PSMD14: variants seen among roughly 807,000 people sequenced by gnomAD.
PSMD14 encodes ubiquitin C-terminal hydrolase PSMD14.
Under a neutral mutation model 41.2 loss-of-function variants are expected in PSMD14, and 7 were observed. The ratio of observed to expected loss-of-function variants is 0.17; its 90% confidence interval spans 0.10 to 0.32. The LOEUF is 0.32. Among genes scored for constraint, PSMD14 ranks in the 10% least tolerant of loss-of-function variants. The pLI, the probability that PSMD14 is intolerant of heterozygous loss-of-function variation, is 1.00. For missense variants in PSMD14, 139 were observed against 375.6 expected (o/e 0.37, Z 5.21); for synonymous variants, 114 against 122.3 (o/e 0.93, Z 0.45).
intron 1 of PSMD14, among the ~76,000 whole-genome samples, chr2:161,310,375 C>T (rs917449894): frequency 1.3e-5 from 2 of 152,072 alleles, no homozygotes; most frequent in Non-Finnish European, 2.9e-5. Flanking sequence ...TTTTAATTTT[C>T]AATTTTGTAG....
chr2:161,364,958 G>C (rs1683339040), intron 3 of PSMD14, among the ~76,000 whole-genome samples: 1 of 152,040 alleles, frequency 6.6e-6, no homozygotes, highest in Non-Finnish European at 1.5e-5. Context: ...CAAAAAATCA[G>C]CCTGGCGTGG....
chr2:161,368,761 C>A (rs922404606), intron 5 of PSMD14, among the ~76,000 whole-genome samples: 1 of 151,908 alleles, frequency 6.6e-6, no homozygotes, highest in Non-Finnish European at 1.5e-5. Flanking sequence ...GCTGTTAGTT[C>A]TATTCGAAGT....
chr2:161,364,715 C>T (rs1245992487), intron 3 of PSMD14, among the ~76,000 whole-genome samples: 2 of 152,196 alleles, frequency 1.3e-5, no homozygotes, highest in African/African-American at 4.8e-5. Flanking sequence ...TGCGATTTCT[C>T]TCTCTCTCTG....
intron 3 of PSMD14, among the ~76,000 whole-genome samples, chr2:161,360,042 TAAAC>T (rs1683267845): frequency 6.6e-6 from 1 of 152,170 alleles, no homozygotes; most frequent in South Asian, 2.1e-4. Context: ...TTGAAAAAAA[TAAAC>T]AAAAAACAAA....
intron 7 of PSMD14, among the ~76,000 whole-genome samples, chr2:161,374,540 G>T (rs1683479412): frequency 6.6e-6 from 1 of 151,936 alleles, no homozygotes; most frequent in Non-Finnish European, 1.5e-5. Context: ...AATTTAAATG[G>T]AGAGTAAGCT....
At chr2:161,407,227 G>A (rs530758770) in intron 10 of PSMD14, among the ~76,000 whole-genome samples, 1 of 152,192 alleles carries the variant, frequency 6.6e-6, no homozygotes, top group African/African-American at 2.4e-5. Context: ...TTTTGTCAAT[G>A]TTTCCATTTA....
intron 1 of PSMD14, among the ~76,000 whole-genome samples, chr2:161,311,280 G>A (rs576939355): frequency 1.3e-5 from 2 of 152,200 alleles, no homozygotes; most frequent in East Asian, 3.9e-4. Context: ...CTACACTCCA[G>A]CCTGGGCAAC....
At chr2:161,391,648 A>G (rs745352869) in intron 9 of PSMD14, among the ~76,000 whole-genome samples, 2 of 152,062 alleles carry the variant, frequency 1.3e-5, no homozygotes, top group Non-Finnish European at 2.9e-5. Context: ...CTAGAGTGCA[A>G]TGGTGTGATC....
At position 161,346,908 on chromosome 2, in the gene PSMD14, A is replaced by G. The variant is rs149129408; in HGVS notation, c.49-20570A>G. On this transcript the variant is annotated intron_variant, in intron 3 of 11. Transcript: ENST00000409682. The stretch of plus-strand genomic sequence containing the variant: ...ATTGATTCCTCACACACATGCATTG[A>G]TCATTATTAAGCTGAATACTCAAAG... Among the ~76,000 whole-genome samples the G allele has an allele frequency of 1.1e-3, 169 of 152,064 alleles. 1 individual carries two copies. The highest frequency in any genetic ancestry group is 3.9e-3 in the African/African-American group (163 of 41,490).
intron 10 of PSMD14, among the ~76,000 whole-genome samples, chr2:161,399,851 G>C (rs2105270259): frequency 6.6e-6 from 1 of 152,092 alleles, no homozygotes; most frequent in African/African-American, 2.4e-5. Context: ...TCTCTTTAAA[G>C]GATTTATTAT....
At chr2:161,341,371 T>C in intron 3 of PSMD14, 1 of 938,494 alleles carries the variant, frequency 1.1e-6, no homozygotes, top group Non-Finnish European at 1.3e-6. Context: ...CCCCGAGGGA[T>C]CCCGCCGCGC....
At chr2:161,379,017 G>T (rs1415059212) in intron 7 of PSMD14, among the ~76,000 whole-genome samples, 1 of 151,996 alleles carries the variant, frequency 6.6e-6, no homozygotes, top group Non-Finnish European at 1.5e-5. Flanking sequence ...TGGTGTTACA[G>T]CACAAGCAAT....
intron 7 of PSMD14, chr2:161,383,536 T>G (rs1683595400): frequency 6.6e-6 from 1 of 151,656 alleles, no homozygotes; most frequent in Non-Finnish European, 1.5e-5. Flanking sequence ...TTATAATATT[T>G]CAGAGAAATA....
intron 11 of PSMD14, 65 bp from the exon 12 acceptor site, chr2:161,411,237 A>T: frequency 9.0e-7 from 1 of 1,106,056 alleles, no homozygotes; most frequent in Non-Finnish European, 1.3e-6. Context: ...ACTGAAAAAA[A>T]TTTAAGTAAT....
At chr2:161,398,080 T>A (rs1683825783) in intron 10 of PSMD14, among the ~76,000 whole-genome samples, 1 of 152,176 alleles carries the variant, frequency 6.6e-6, no homozygotes, top group South Asian at 2.1e-4. Flanking sequence ...TACAGAAGTT[T>A]TTCCTATTTT....
chr2:161,344,279 A>G (rs1015399228), intron 3 of PSMD14, among the ~76,000 whole-genome samples: 9 of 152,132 alleles, frequency 5.9e-5, no homozygotes, highest in Admixed American at 2.6e-4. Context: ...ACAGATATTC[A>G]TTTCTCATAG....
At chr2:161,403,264 C>G (rs1166031991) in intron 10 of PSMD14, among the ~76,000 whole-genome samples, 1 of 152,010 alleles carries the variant, frequency 6.6e-6, no homozygotes, top group African/African-American at 2.4e-5. Flanking sequence ...ACCTCTAAAA[C>G]ATGGTAAGTG....
intron 3 of PSMD14, among the ~76,000 whole-genome samples, chr2:161,336,457 C>T (rs990529520): frequency 6.6e-6 from 1 of 152,156 alleles, no homozygotes; most frequent in Admixed American, 6.5e-5. Flanking sequence ...GTTTGGATAT[C>T]AATTTTTTCT....
chr2:161,353,383 AC>A (rs943595359), intron 3 of PSMD14, among the ~76,000 whole-genome samples: 34 of 152,338 alleles, frequency 2.2e-4, no homozygotes, highest in African/African-American at 7.9e-4. Flanking sequence ...TTGAAAAGTC[AC>A]ATCCTCAGAA....
Sources: allele counts gnomAD v4.1 joint callset (sites outside exome capture counted in the v4.1 genomes callset), GRCh38; gene constraint gnomAD v4.1.1; transcripts MANE v1.5; gene names NCBI Gene and HGNC (gene_info 2026-07-23, HGNC 2026-07-21).